PLD1: variants seen among roughly 807,000 people sequenced by gnomAD.
The protein encoded by PLD1 is phospholipase D1.
Under a neutral mutation model 137.1 loss-of-function variants are expected in PLD1, and 112 were observed. The ratio of observed to expected loss-of-function variants is 0.82; its 90% confidence interval spans 0.70 to 0.96. The LOEUF is 0.96. Among genes scored for constraint, PLD1 ranks in the 40% least tolerant of loss-of-function variants. The pLI, the probability that PLD1 is intolerant of heterozygous loss-of-function variation, is 0.00. For synonymous variants in PLD1, 431 were observed against 454.7 expected, an observed-to-expected ratio of 0.95 and a Z score of 0.66; for missense variants, 1,321 against 1,342.0, an observed-to-expected ratio of 0.98 and a Z score of 0.24.
chr3:171,647,181 A>G (rs970963367), intron 21 of PLD1, among the ~76,000 whole-genome samples: 7 of 152,196 alleles, frequency 4.6e-5, no homozygotes, highest in Non-Finnish European at 8.8e-5. Flanking sequence ...TACCCAATCA[A>G]AGACCCTTGC....
At chr3:171,653,957 C>T (rs1430568046) in intron 21 of PLD1, 1 of 266,676 alleles carries the variant, frequency 3.7e-6, no homozygotes, top group African/African-American at 2.4e-5. Flanking sequence ...GACATCTGGT[C>T]CCCCAATAAT....
chr3:171,728,195 A>C (rs1018914784), intron 6 of PLD1, among the ~76,000 whole-genome samples: 2 of 152,186 alleles, frequency 1.3e-5, no homozygotes, highest in African/African-American at 2.4e-5. Flanking sequence ...CCGTAATCCC[A>C]GCTACTCAGG....
rs1732723229 is a variant in PLD1, at chr3:171,612,276, G to A, written c.2882+3C>T. On this transcript the variant is annotated splice_donor_region_variant and intron_variant, in intron 25 of 26. Transcript: ENST00000351298. The surrounding 1 kb of genome is among the most constrained non-coding windows in gnomAD (Gnocchi z 4.1). Reference sequence around the variant, plus strand: ...TCAGAGAGACACACTTTGGCGGACTGACCTAAAGCACTGTAGCCGAAGTCC... The same window carrying A: ...TCAGAGAGACACACTTTGGCGGACTAACCTAAAGCACTGTAGCCGAAGTCC... The A allele has an allele frequency of 6.2e-7, 1 of 1,613,838 alleles. No homozygotes were observed.
At position 171,785,463 on chromosome 3, in the gene PLD1, G is replaced by C. The variant is rs113024803; in HGVS notation, c.-32+24936C>G. On this transcript the variant is annotated intron_variant, in intron 1 of 26. Coordinates refer to ENST00000351298, the MANE Select transcript of PLD1 (RefSeq NM_002662.5). ...CTATTTTTTTTTTTTTTTTTAGATG[G>C]AGTCTTGCTCCGATGCCCAGGCTGG... Among the ~76,000 whole-genome samples, 412 of 145,890 alleles carry C rather than the reference G, an allele frequency of 2.8e-3. 2 individuals carry two copies. The highest frequency in any genetic ancestry group is 9.3e-3 in the African/African-American group (370 of 39,594).
intron 1 of PLD1, among the ~76,000 whole-genome samples, chr3:171,751,230 A>C (rs1262697378): frequency 6.6e-6 from 1 of 152,214 alleles, no homozygotes. Flanking sequence ...ATGAACTACA[A>C]ACATGTAAAC....
chr3:171,656,265 G>T (rs181867508), intron 21 of PLD1, among the ~76,000 whole-genome samples: 1 of 152,026 alleles, frequency 6.6e-6, no homozygotes, highest in Admixed American at 6.5e-5. Context: ...CCACCTCCTG[G>T]GTTCAAGCAG....
At chr3:171,643,887 T>C (rs1735979359) in intron 22 of PLD1, among the ~76,000 whole-genome samples, 1 of 152,036 alleles carries the variant, frequency 6.6e-6, no homozygotes, top group South Asian at 2.1e-4. Context: ...AAATCTTTCC[T>C]TGAAATCCTG....
chr3:171,653,347 A>G (rs1736935926), intron 21 of PLD1: 1 of 152,278 alleles, frequency 6.6e-6, no homozygotes, highest in South Asian at 2.1e-4. Context: ...TTAAAACAAT[A>G]CTAAACTAAA....
intron 1 of PLD1, among the ~76,000 whole-genome samples, chr3:171,781,826 C>A (rs530265409): frequency 2.6e-5 from 4 of 152,124 alleles, no homozygotes. Context: ...AAAGTCTAGC[C>A]GTTGTTTATA....
At chr3:171,772,557 G>A (rs1722415554) in intron 1 of PLD1, among the ~76,000 whole-genome samples, 2 of 152,130 alleles carry the variant, frequency 1.3e-5, no homozygotes, top group African/African-American at 4.8e-5. Context: ...CATAGAATGA[G>A]GGGGCAAGAT....
chr3:171,765,074 G>A (rs766077504), intron 1 of PLD1: 4 of 152,064 alleles, frequency 2.6e-5, no homozygotes, highest in African/African-American at 9.7e-5. Context: ...AGGTAGGGAG[G>A]ATGGGTACAA....
At chr3:171,708,619 C>T in intron 11 of PLD1, 136 bp downstream of exon 11, 1 of 522,262 alleles carries the variant, frequency 1.9e-6, no homozygotes, top group East Asian at 3.0e-5. Context: ...GCTTAGTCAA[C>T]TGGTTGAGAC....
At chr3:171,606,828 C>T (rs9844363) in intron 25 of PLD1, among the ~76,000 whole-genome samples, 11,852 of 152,068 alleles carry the variant, frequency 0.078, 1,300 homozygotes, top group African/African-American at 0.25. Context: ...ACAATGAACA[C>T]AGTTTATTCA....
intron 20 of PLD1, among the ~76,000 whole-genome samples, chr3:171,659,631 G>GT (rs546845014): frequency 6.6e-6 from 1 of 152,136 alleles, no homozygotes; most frequent in South Asian, 2.1e-4. Context: ...GGGGAAACTA[G>GT]TTTTTTTCAG....
At position 171,733,481 on chromosome 3, in the gene PLD1, A is replaced by G. The variant is rs1366045097; in HGVS notation, c.569T>C (p.Ile190Thr). The stretch of plus-strand genomic sequence containing the variant: ...GTTTCTATACATGGGCATTTTTAGT[A>G]TCTTTGTCAAGTAATCTTCCAGTTG... Reference protein sequence around the residue: ...RKQLEDYLTKILKMPMYRNYH... With the variant: ...RKQLEDYLTKTLKMPMYRNYH... Residue 190 changes from isoleucine to threonine, a missense_variant, in exon 6 of 27, where the codon ATA becomes ACA. Ile to Thr is a moderately conservative substitution (Grantham distance 89). Coordinates refer to ENST00000351298, the MANE Select transcript of PLD1 (RefSeq NM_002662.5). The G allele has an allele frequency of 3.7e-6, 5 of 1,338,624 alleles. No homozygotes were observed. The highest frequency in any genetic ancestry group is 2.3e-5 in the East Asian group (1 of 43,234). The allele number at this position is 1,338,624 out of a possible 1,614,324, so 82.9% of individuals were successfully genotyped here. A position where few individuals can be genotyped will look rare whatever the true frequency, so the allele number is the denominator to read the frequency against.
rs1733554917 is a variant in PLD1 at position 171,620,762 on chromosome 3, ATATATATTATATATATTTT to A, written c.2594-261_2594-243del. 2.3e-5 allele frequency among the ~76,000 whole-genome samples: 3 copies of A among 129,324 alleles called. No homozygotes were observed. In the South Asian group the frequency reaches 6.5e-4, roughly 28 times the overall value. The allele number at this position is 129,324 out of a possible 152,430, so 84.8% of individuals were successfully genotyped here. On this transcript the variant is annotated intron_variant, in intron 23 of 26. Transcript: ENST00000351298. ...TCTCTCTATATATATATATATATAT[ATATATATTATATATATTTT>A]TTTTTTAATTGAAGTGTTTTCTGTC...
chr3:171,639,049 T>C lies in PLD1; in HGVS notation c.2593+3791A>G, dbSNP rs543997642. Among the ~76,000 whole-genome samples, 11 of 151,924 alleles carry C rather than the reference T, an allele frequency of 7.2e-5. No individual in the cohort carries two copies. In the East Asian group the frequency reaches 2.1e-3, roughly 29 times the overall value. ...CCTTCAGACTTGGATGGGAATTACA[T>C]AGCCAGCTTTCCTGGGTATCCAGCT... On this transcript the variant is annotated intron_variant, in intron 23 of 26. Transcript: ENST00000351298.
intron 11 of PLD1, among the ~76,000 whole-genome samples, chr3:171,704,643 A>G (rs1416212846): frequency 6.6e-6 from 1 of 152,194 alleles, no homozygotes; most frequent in African/African-American, 2.4e-5. Context: ...AAAAAGATAT[A>G]AAGAAGAACC....
intron 16 of PLD1, among the ~76,000 whole-genome samples, chr3:171,678,674 T>C (rs1713638456): frequency 1.3e-5 from 2 of 152,354 alleles, no homozygotes; most frequent in African/African-American, 2.4e-5. Context: ...GTCCCAGAAC[T>C]GTCTTTGTAA....
Sources: allele counts gnomAD v4.1 joint callset (sites outside exome capture counted in the v4.1 genomes callset), GRCh38; gene constraint gnomAD v4.1.1; non-coding constraint Gnocchi (gnomAD v3.1); transcripts MANE v1.5; gene names NCBI Gene and HGNC (gene_info 2026-07-23, HGNC 2026-07-21).